MASP1: variants seen among roughly 807,000 people sequenced by gnomAD.
MASP1 encodes the protein MBL associated serine protease 1, also known as mannan-binding lectin serine protease 1.
A neutral mutation model predicts 77.1 loss-of-function variants in MASP1; 59 were observed. That is an observed-to-expected ratio of 0.77 (90% confidence interval 0.62 to 0.95). The LOEUF is 0.95. MASP1 is among the 40% of genes least tolerant of loss of function. The pLI is 0.00. For missense variants in MASP1, 885 were observed against 912.9 expected (o/e 0.97, Z 0.39); for synonymous variants, 362 against 354.5 (o/e 1.02, Z -0.24).
chr3:187,273,540 C>T (rs1716704237), intron 2 of MASP1, among the ~76,000 whole-genome samples: 1 of 152,168 alleles, frequency 6.6e-6, no homozygotes, highest in Admixed American at 6.5e-5. Context: ...TCACCGACAG[C>T]CCCGGGCTGA....
rs762308303 is a variant in MASP1 at position 187,243,635 on chromosome 3, A to T, written c.1091-14T>A. On this transcript the variant is annotated splice_polypyrimidine_tract_variant and intron_variant, in intron 8 of 10. Coordinates refer to ENST00000296280, the MANE Select transcript of MASP1 (RefSeq NM_139125.4). ...TACAGTCTACAACTGAGAGAGAAGA[A>T]GTGAGACCCCTCAACTGCCTTTTGC... 2 of 1,614,000 alleles carry T rather than the reference A, an allele frequency of 1.2e-6. No individual in the cohort carries two copies. The highest frequency in any genetic ancestry group is 2.7e-5 in the African/African-American group (2 of 74,936).
intron 2 of MASP1, 146 bp downstream of exon 2, chr3:187,285,679 G>A (rs1717787793): frequency 1.4e-6 from 1 of 725,864 alleles, no homozygotes; most frequent in African/African-American, 1.7e-5. Flanking sequence ...CTTGCACTTA[G>A]CTTTCCACCT....
chr3:187,276,077 C>T (rs1264527266), intron 2 of MASP1, among the ~76,000 whole-genome samples: 1 of 142,702 alleles, frequency 7.0e-6, no homozygotes, highest in African/African-American at 2.6e-5. Flanking sequence ...CCTGAGGGCA[C>T]TGAATGTTCC....
intron 1 of MASP1, among the ~76,000 whole-genome samples, chr3:187,290,922 T>C (rs979122225): frequency 3.3e-5 from 5 of 151,962 alleles, no homozygotes; most frequent in African/African-American, 1.2e-4. Flanking sequence ...ATAAGAAAGG[T>C]TAAAGAGTTT....
At chr3:187,267,848 C>A (rs1716170196) in intron 2 of MASP1, among the ~76,000 whole-genome samples, 1 of 152,212 alleles carries the variant, frequency 6.6e-6, no homozygotes, top group South Asian at 2.1e-4. Context: ...GCTTGGTGAC[C>A]TTTTCTCTAA....
chr3:187,265,998 G>A (rs1434400629), intron 2 of MASP1, among the ~76,000 whole-genome samples: 1 of 152,168 alleles, frequency 6.6e-6, no homozygotes, highest in East Asian at 1.9e-4. Flanking sequence ...TTACCTCTGA[G>A]TATAGGCAGA....
rs145974233 is a variant in MASP1, at chr3:187,283,828, T to C, written c.237+1997A>G. Among the ~76,000 whole-genome samples the C allele has an allele frequency of 4.1e-3, 632 of 152,338 alleles. 6 individuals carry two copies. The highest frequency in any genetic ancestry group is 0.014 in the African/African-American group (601 of 41,584). On this transcript the variant is annotated intron_variant, in intron 2 of 10. Transcript: ENST00000296280. ...CCAACCAAAATACTAAAGAATGCCA[T>C]GATTTTGTGACCAACATTATTTGGG...
At chr3:187,223,375 G>A (rs921811017) in intron 13 of MASP1, among the ~76,000 whole-genome samples, 2 of 152,222 alleles carry the variant, frequency 1.3e-5, no homozygotes, top group African/African-American at 4.8e-5. Flanking sequence ...ACCTGCAGCA[G>A]AGCTAGGGGC....
chr3:187,288,672 A>G (rs909743772), intron 1 of MASP1, among the ~76,000 whole-genome samples: 1 of 152,162 alleles, frequency 6.6e-6, no homozygotes, highest in African/African-American at 2.4e-5. Context: ...CCTAAACCGG[A>G]CTTCCCTATA....
intron 1 of MASP1, among the ~76,000 whole-genome samples, chr3:187,287,989 C>T (rs1363917374): frequency 6.6e-6 from 1 of 152,012 alleles, no homozygotes; most frequent in African/African-American, 2.4e-5. Context: ...AGGATATACA[C>T]CAAGGTATTG....
intron 10 of MASP1, 33 bp from the exon 11 acceptor site, chr3:187,236,600 A>G (rs962204067): frequency 6.2e-7 from 1 of 1,613,226 alleles, no homozygotes; most frequent in Admixed American, 1.7e-5. Context: ...GGGACAAGAG[A>G]CAGAGACTGG....
chr3:187,229,718 G>A (rs761264585), downstream of MASP1: 4 of 1,611,050 alleles, frequency 2.5e-6, no homozygotes, highest in Non-Finnish European at 3.4e-6. Flanking sequence ...CCAAGGAGGG[G>A]GTTCAGTTCC....
At chr3:187,246,656 T>C in intron 8 of MASP1, 2 of 988,218 alleles carry the variant, frequency 2.0e-6, no homozygotes, top group Non-Finnish European at 2.4e-6. Flanking sequence ...CTGGGACCAC[T>C]GCTTTCAGGT....
At chr3:187,286,507 G>T (rs1717868667) in intron 1 of MASP1, among the ~76,000 whole-genome samples, 7 of 152,266 alleles carry the variant, frequency 4.6e-5, no homozygotes, top group Admixed American at 3.9e-4. Context: ...GTTGAAAATG[G>T]TATTTCACCA....
intron 3 of MASP1, 65 bp downstream of exon 3, chr3:187,262,478 C>T (rs754741363): frequency 5.2e-6 from 8 of 1,525,312 alleles, no homozygotes; most frequent in African/African-American, 1.4e-5. Context: ...GGAGAGGTCA[C>T]AAGGCAGTTT....
intron 8 of MASP1, chr3:187,247,359 G>A: frequency 6.2e-7 from 1 of 1,614,008 alleles, no homozygotes; most frequent in African/African-American, 1.3e-5. Context: ...TCTGACTTGA[G>A]TTCGCTCTCC....
At chr3:187,291,489 C>T (rs538958871) in intron 1 of MASP1, 139 bp downstream of exon 1, 1 of 1,189,722 alleles carries the variant, frequency 8.4e-7, no homozygotes, top group East Asian at 2.4e-5. Flanking sequence ...TCTCAGAGCC[C>T]TAAGAATTGA....
At position 187,291,682 on chromosome 3, in the gene MASP1, G is replaced by GACTT; in HGVS notation, c.-54_-51dup. 1 of 1,613,654 alleles carries GACTT rather than the reference G, an allele frequency of 6.2e-7. No homozygotes were observed. The highest frequency in any genetic ancestry group is 1.7e-5 in the Admixed American group (1 of 60,030). On this transcript the variant is annotated 5_prime_UTR_variant, in exon 1 of 11. Coordinates refer to ENST00000296280, the MANE Select transcript of MASP1 (RefSeq NM_139125.4). ...TGCCCGGCCTTGGTCCTCCCAGCTTGACTTGCCTGTGAGCTCGTGCCCGGT... is the reference window on the plus strand; with the variant it reads ...TGCCCGGCCTTGGTCCTCCCAGCTTGACTTACTTGCCTGTGAGCTCGTGCCCGGT...
chr3:187,243,269 TG>T, intron 9 of MASP1: 1 of 592,808 alleles, frequency 1.7e-6, no homozygotes, highest in Non-Finnish European at 3.0e-6. Flanking sequence ...GCCTGCTTTT[TG>T]GTTTTGAGAC....
Sources: allele counts gnomAD v4.1 joint callset (sites outside exome capture counted in the v4.1 genomes callset), GRCh38; gene constraint gnomAD v4.1.1; transcripts MANE v1.5; gene names NCBI Gene and HGNC (gene_info 2026-07-23, HGNC 2026-07-21).